Variants in CNOT6 observed in about 807,000 individuals in gnomAD.
CNOT6 encodes carbon catabolite repression 4 protein.
CNOT6 carries 12 observed loss-of-function variants against 61.2 expected under a neutral mutation model. The observed-to-expected ratio is 0.20, with a 90% CI of 0.13 to 0.32. The LOEUF is 0.32. CNOT6 is among the 10% of genes least tolerant of loss of function. The pLI, the probability that CNOT6 is intolerant of heterozygous loss-of-function variation, is 1.00. For synonymous variants in CNOT6, 225 were observed against 240.6 expected, an observed-to-expected ratio of 0.94 and a Z score of 0.60; for missense variants, 405 against 663.9, an observed-to-expected ratio of 0.61 and a Z score of 4.28.
chr5:180,504,992 C>A, intron 1 of CNOT6, among the ~76,000 whole-genome samples: 1 of 119,398 alleles, frequency 8.4e-6, no homozygotes, highest in South Asian at 2.7e-4. Context: ...CGAAGTCTTG[C>A]TCTGTCCCCA....
chr5:180,530,797 T>C (rs1346522088), intron 2 of CNOT6, among the ~76,000 whole-genome samples: 2 of 152,234 alleles, frequency 1.3e-5, no homozygotes, highest in Non-Finnish European at 2.9e-5. Flanking sequence ...TTCAAGCATC[T>C]GTTTAACAAA....
intron 2 of CNOT6, among the ~76,000 whole-genome samples, chr5:180,549,505 C>G (rs994723046): frequency 6.6e-6 from 1 of 152,034 alleles, no homozygotes; most frequent in African/African-American, 2.4e-5. Context: ...GAAAAATTAG[C>G]CGGGCATGGT....
chr5:180,567,815 C>T, intron 8 of CNOT6, 34 bp from the exon 9 acceptor site: 5 of 1,516,542 alleles, frequency 3.3e-6, no homozygotes, highest in Non-Finnish European at 4.5e-6. Flanking sequence ...ATTCCCAACT[C>T]TGTGTGTGTG....
At chr5:180,519,766 C>CT (rs58209260) in intron 1 of CNOT6, among the ~76,000 whole-genome samples, 39,284 of 138,700 alleles carry the variant, frequency 0.28, 5,784 homozygotes, top group Middle Eastern at 0.41. Context: ...TTAATCGATT[C>CT]TTTTTTTTTT....
intron 1 of CNOT6, among the ~76,000 whole-genome samples, chr5:180,503,699 G>A (rs921581425): frequency 6.8e-6 from 1 of 146,510 alleles, no homozygotes; most frequent in Non-Finnish European, 1.5e-5. Flanking sequence ...TCTGCATCCC[G>A]GGTTCAAGCG....
At chr5:180,569,809 G>A (rs936818549) in intron 10 of CNOT6, among the ~76,000 whole-genome samples, 6 of 152,174 alleles carry the variant, frequency 3.9e-5, no homozygotes, top group Admixed American at 1.3e-4. Flanking sequence ...TCAGTCAAGC[G>A]ATTTTGACAA....
chr5:180,558,963 T>G (rs1158910808), intron 4 of CNOT6, among the ~76,000 whole-genome samples: 1 of 152,164 alleles, frequency 6.6e-6, no homozygotes, highest in Non-Finnish European at 1.5e-5. Flanking sequence ...TAATATGATT[T>G]CAGTGTGGTC....
At chr5:180,551,528 G>C (rs913593812) in intron 3 of CNOT6, among the ~76,000 whole-genome samples, 1 of 152,172 alleles carries the variant, frequency 6.6e-6, no homozygotes, top group South Asian at 2.1e-4. Context: ...ATGAGCCACT[G>C]TGGCTGGCCC....
Position 180,528,933 on chromosome 5 carries a change from G to A in CNOT6, c.-2-342G>A, listed in dbSNP as rs148138888. Among the ~76,000 whole-genome samples, 86 of 152,114 alleles carry A rather than the reference G, an allele frequency of 5.7e-4. No homozygotes were observed. In the East Asian group the frequency reaches 0.012, roughly 21 times the overall value. ...TGTCCACTTTTAAAAGATGTGGGTC[G>A]GGCATGCTGGCTCACTCCTGTAATC... On this transcript the variant is annotated intron_variant, in intron 1 of 11. Coordinates refer to ENST00000261951, the MANE Select transcript of CNOT6 (RefSeq NM_001370472.1).
At chr5:180,508,246 A>G (rs1326841679) in intron 1 of CNOT6, among the ~76,000 whole-genome samples, 1 of 152,176 alleles carries the variant, frequency 6.6e-6, no homozygotes, top group Non-Finnish European at 1.5e-5. Context: ...GGATATGCTC[A>G]TATTTTTGGT....
chr5:180,502,853 TG>T (rs1756941301), intron 1 of CNOT6, among the ~76,000 whole-genome samples: 1 of 152,226 alleles, frequency 6.6e-6, no homozygotes, highest in Admixed American at 6.5e-5. Flanking sequence ...ATTTTTCTTC[TG>T]TAAGGTTATG....
intron 1 of CNOT6, among the ~76,000 whole-genome samples, chr5:180,501,473 G>A (rs1756866117): frequency 6.6e-6 from 1 of 152,222 alleles, no homozygotes; most frequent in South Asian, 2.1e-4. Flanking sequence ...AGGTGGATAT[G>A]TCTAACAGAT....
intron 1 of CNOT6, among the ~76,000 whole-genome samples, chr5:180,504,107 T>A (rs1757020267): frequency 6.6e-6 from 1 of 152,202 alleles, no homozygotes. Context: ...ATCAAAAACC[T>A]CCCAAGAGTC....
chr5:180,523,175 C>A (rs1757950231), intron 1 of CNOT6, among the ~76,000 whole-genome samples: 2 of 152,168 alleles, frequency 1.3e-5, no homozygotes, highest in African/African-American at 4.8e-5. Flanking sequence ...CTTCACACAT[C>A]TGGTCACAAG....
intron 9 of CNOT6, 76 bp from the exon 10 acceptor site, chr5:180,569,034 T>C (rs1336984509): frequency 4.7e-6 from 5 of 1,073,822 alleles, no homozygotes; most frequent in Non-Finnish European, 6.8e-6. Context: ...GATTATTTGC[T>C]TTCAGACGCT....
chr5:180,497,455 CAT>C (rs1408088885), intron 1 of CNOT6, among the ~76,000 whole-genome samples: 2 of 151,680 alleles, frequency 1.3e-5, no homozygotes, highest in Non-Finnish European at 2.9e-5. Context: ...ATATGTAAGA[CAT>C]ATTGGAATAA....
At position 180,545,883 on chromosome 5, in the gene CNOT6, G is replaced by A. The variant is rs1321010070; in HGVS notation, c.113-4048G>A. ...CTTCTGGGTATGTAGTGCTATCTCAGAGTGGTTTAAATTTGCATTTCCCTA... is the reference window on the plus strand; with the variant it reads ...CTTCTGGGTATGTAGTGCTATCTCAAAGTGGTTTAAATTTGCATTTCCCTA... On this transcript the variant is annotated intron_variant, in intron 2 of 11. Coordinates refer to ENST00000261951, the MANE Select transcript of CNOT6 (RefSeq NM_001370472.1). Among the ~76,000 whole-genome samples, 3 of 152,118 alleles carry A rather than the reference G, an allele frequency of 2.0e-5. No individual in the cohort carries two copies. In the East Asian group the frequency reaches 5.8e-4, roughly 29 times the overall value.
intron 4 of CNOT6, among the ~76,000 whole-genome samples, chr5:180,557,907 T>G (rs200360997): frequency 4.6e-5 from 5 of 107,764 alleles, no homozygotes; most frequent in Non-Finnish European, 6.8e-5. Context: ...AAGGTTCTTT[T>G]TGTGTGTGTG....
At position 180,574,230 on chromosome 5, in the gene CNOT6, C is replaced by A. The variant is rs760832762; in HGVS notation, c.*30C>A. On this transcript the variant is annotated 3_prime_UTR_variant, in exon 12 of 12. Transcript: ENST00000261951. ...GCACCTTCAGAGGACAGCCTTGATT[C>A]ACTTGTAAACTTGTGAAAATCTGAA... 6.4e-7 allele frequency: 1 copy of A among 1,566,608 alleles called. No individual in the cohort carries two copies. Among genetic ancestry groups the A allele is most frequent in the Non-Finnish European group, 8.8e-7 (1 of 1,137,084 alleles).
Sources: allele counts gnomAD v4.1 joint callset (sites outside exome capture counted in the v4.1 genomes callset), GRCh38; gene constraint gnomAD v4.1.1; transcripts MANE v1.5; gene names NCBI Gene and HGNC (gene_info 2026-07-23, HGNC 2026-07-21).